Variants in JARID2 observed in about 807,000 individuals in gnomAD.
The protein encoded by JARID2 is jumonji and AT-rich interaction domain containing 2, also known as protein Jumonji.
A neutral mutation model predicts 125.6 loss-of-function variants in JARID2; 21 were observed. The ratio of observed to expected loss-of-function variants is 0.17; its 90% CI spans 0.12 to 0.24. The LOEUF (loss-of-function observed/expected upper bound fraction) is 0.24. JARID2 is among the 10% of genes least tolerant of loss of function. The pLI is 1.00. For missense variants in JARID2, 1,303 were observed against 1,639.6 expected (o/e 0.79, Z 3.55); for synonymous variants, 736 against 661.6 (o/e 1.11, Z -1.73).
At chr6:15,383,530 TTC>T (rs1764671148) in intron 2 of JARID2, among the ~76,000 whole-genome samples, 1 of 152,122 alleles carries the variant, frequency 6.6e-6, no homozygotes, top group Admixed American at 6.5e-5. Flanking sequence ...TGCTGTATCT[TTC>T]TCTTAGTTTA....
At chr6:15,270,096 C>T (rs978220587) in intron 1 of JARID2, among the ~76,000 whole-genome samples, 3 of 152,168 alleles carry the variant, frequency 2.0e-5, no homozygotes, top group African/African-American at 4.8e-5. Context: ...GCCTCAGGGT[C>T]GATCCTTCCT....
In JARID2 at chr6:15,349,047, A is replaced by G. The variant is rs1581441427; in HGVS notation, c.46-25070A>G. 3.9e-5 allele frequency among the ~76,000 whole-genome samples: 6 copies of G among 152,332 alleles called. No homozygotes were observed. In the South Asian group the frequency reaches 1.2e-3, roughly 32 times the overall value. On this transcript the variant is annotated intron_variant, in intron 1 of 17. Transcript: ENST00000341776. ...GTATTAGGAAGGGAAAAATGTTTTC[A>G]CTGAGATTCCTGAAACCATATTGCA...
At chr6:15,374,386 A>G (rs1764275679) in intron 2 of JARID2, 134 bp downstream of exon 2, 2 of 841,400 alleles carry the variant, frequency 2.4e-6, no homozygotes, top group Middle Eastern at 3.1e-4. Flanking sequence ...GGCTAGGTGA[A>G]TCTGCACTGC....
At chr6:15,463,043 C>T (rs955597742) in intron 4 of JARID2, among the ~76,000 whole-genome samples, 13 of 152,130 alleles carry the variant, frequency 8.5e-5, no homozygotes, top group African/African-American at 1.7e-4. Context: ...AGATGCATTC[C>T]GTACTCTGAT....
At chr6:15,423,562 T>C (rs1047948929) in intron 3 of JARID2, among the ~76,000 whole-genome samples, 2 of 152,112 alleles carry the variant, frequency 1.3e-5, no homozygotes, top group African/African-American at 4.8e-5. Context: ...TTATGGGTCA[T>C]GTGTGGGTAG....
intron 3 of JARID2, among the ~76,000 whole-genome samples, chr6:15,417,904 T>A (rs761960262): frequency 6.6e-6 from 1 of 151,994 alleles, no homozygotes; most frequent in Non-Finnish European, 1.5e-5. Flanking sequence ...TTTCAGAGGG[T>A]TTTTAATTTA....
At chr6:15,355,112 A>G (rs937003577) in intron 1 of JARID2, among the ~76,000 whole-genome samples, 2 of 152,204 alleles carry the variant, frequency 1.3e-5, no homozygotes. Flanking sequence ...GGAGGAGAGA[A>G]AACCTTACAC....
intron 14 of JARID2, 142 bp downstream of exon 14, chr6:15,512,532 C>T (rs923299838): frequency 3.3e-5 from 28 of 849,552 alleles, no homozygotes; most frequent in Middle Eastern, 3.3e-4. Flanking sequence ...ATTCTTAAGA[C>T]GTGGTTGAAA....
At chr6:15,271,133 T>C (rs724971) in intron 1 of JARID2, among the ~76,000 whole-genome samples, 11,722 of 152,280 alleles carry the variant, frequency 0.077, 468 homozygotes, top group Admixed American at 0.11. Flanking sequence ...TCTACAAATA[T>C]TTATTGTCTA....
chr6:15,285,989 T>G (rs1202137236), intron 1 of JARID2, among the ~76,000 whole-genome samples: 2 of 152,208 alleles, frequency 1.3e-5, no homozygotes, highest in African/African-American at 2.4e-5. Flanking sequence ...GGATTATTCT[T>G]TGTAACTTGG....
intron 1 of JARID2, among the ~76,000 whole-genome samples, chr6:15,277,075 G>T (rs963399493): frequency 1.3e-5 from 2 of 152,050 alleles, no homozygotes; most frequent in African/African-American, 4.8e-5. Flanking sequence ...TTTTTTCCAT[G>T]GTAGTAACTA....
At chr6:15,482,280 G>T (rs1356415397) in intron 5 of JARID2, among the ~76,000 whole-genome samples, 1 of 152,132 alleles carries the variant, frequency 6.6e-6, no homozygotes, top group Non-Finnish European at 1.5e-5. Flanking sequence ...CAGGGTTTCA[G>T]GCATTTTGAA....
intron 1 of JARID2, among the ~76,000 whole-genome samples, chr6:15,317,273 T>C (rs1762210119): frequency 6.6e-6 from 1 of 152,184 alleles, no homozygotes; most frequent in Non-Finnish European, 1.5e-5. Flanking sequence ...ACAGACAATA[T>C]TAACATGTCA....
intron 2 of JARID2, among the ~76,000 whole-genome samples, chr6:15,378,610 A>G (rs902050197): frequency 6.6e-6 from 1 of 152,208 alleles, no homozygotes; most frequent in Admixed American, 6.5e-5. Context: ...CAGTAGCAGA[A>G]TTGGAATTGC....
chr6:15,333,137 T>C (rs1277562865), intron 1 of JARID2, among the ~76,000 whole-genome samples: 2 of 152,012 alleles, frequency 1.3e-5, no homozygotes, highest in Admixed American at 1.3e-4. Context: ...TTTCACTGTG[T>C]TAGCCAGGAT....
chr6:15,452,060 C>T lies in JARID2; in HGVS notation c.378C>T (p.Ser126=). 1 of 1,614,100 alleles carries T rather than the reference C, an allele frequency of 6.2e-7. No homozygotes were observed. The highest frequency in any genetic ancestry group is 2.2e-5 in the East Asian group (1 of 44,884). The change falls in exon 4 of 18, where the codon AGC becomes AGT. Residue 126 remains serine (S), a synonymous_variant. Transcript: ENST00000341776. ...KFAQSQPNSP[S]TTPVKIVEPL... Reference sequence around the variant, plus strand: ...CTCAGTCTCAGCCGAATAGTCCCAGCACAACTCCAGTAAAGATAGTGGAGC... The same window carrying T: ...CTCAGTCTCAGCCGAATAGTCCCAGTACAACTCCAGTAAAGATAGTGGAGC...
intron 3 of JARID2, among the ~76,000 whole-genome samples, chr6:15,449,051 A>AT (rs1208098935): frequency 6.6e-6 from 1 of 151,912 alleles, no homozygotes; most frequent in African/African-American, 2.4e-5. Context: ...CTCATCTGTG[A>AT]TAGATGAAGC....
chr6:15,433,495 C>T (rs1395183730), intron 3 of JARID2, among the ~76,000 whole-genome samples: 6 of 150,544 alleles, frequency 4.0e-5, no homozygotes, highest in African/African-American at 1.5e-4. Flanking sequence ...TGCATCCTAC[C>T]TAAGGGCATG....
intron 4 of JARID2, among the ~76,000 whole-genome samples, chr6:15,457,222 A>G (rs1768227460): frequency 2.0e-5 from 3 of 152,164 alleles, no homozygotes. Flanking sequence ...CCTGATGCAC[A>G]TTTAGAGAGA....
Sources: allele counts gnomAD v4.1 joint callset (sites outside exome capture counted in the v4.1 genomes callset), GRCh38; gene constraint gnomAD v4.1.1; transcripts MANE v1.5; gene names NCBI Gene and HGNC (gene_info 2026-07-23, HGNC 2026-07-21).